Variants in GRID1 observed in about 807,000 individuals in gnomAD.
The protein encoded by GRID1 is glutamate receptor ionotropic, delta-1.
A neutral mutation model predicts 98.0 loss-of-function variants in GRID1; 28 were observed. The ratio of observed to expected loss-of-function variants is 0.29; its 90% CI spans 0.21 to 0.39. The LOEUF is 0.39. Among genes scored for constraint, GRID1 ranks in the 10% least tolerant of loss-of-function variants. The pLI is 1.00. For missense variants in GRID1, 1,111 were observed against 1,340.5 expected (o/e 0.83, Z 2.67); for synonymous variants, 553 against 538.5 (o/e 1.03, Z -0.37).
chr10:85,672,599 C>T (rs951093460), intron 12 of GRID1, among the ~76,000 whole-genome samples: 7 of 152,070 alleles, frequency 4.6e-5, no homozygotes, highest in Non-Finnish European at 5.9e-5. Flanking sequence ...AGCCCCCACG[C>T]CCGGCCTCTG....
chr10:86,322,335 G>A (rs1847981818), intron 2 of GRID1, among the ~76,000 whole-genome samples: 1 of 152,174 alleles, frequency 6.6e-6, no homozygotes, highest in Admixed American at 6.5e-5. Context: ...AAAAGAAAAT[G>A]CAGAAACACA....
chr10:85,730,070 G>A (rs1841805937), intron 8 of GRID1, among the ~76,000 whole-genome samples: 1 of 152,238 alleles, frequency 6.6e-6, no homozygotes, highest in South Asian at 2.1e-4. Context: ...ACACTCAAGT[G>A]TACAGCTTGT....
At chr10:86,190,202 C>A (rs1204323296) in intron 3 of GRID1, among the ~76,000 whole-genome samples, 1 of 152,212 alleles carries the variant, frequency 6.6e-6, no homozygotes, top group African/African-American at 2.4e-5. Context: ...GTGATCCTAA[C>A]CGGCCCTCCA....
chr10:86,018,406 G>A (rs1024905909), intron 4 of GRID1, among the ~76,000 whole-genome samples: 1 of 152,260 alleles, frequency 6.6e-6, no homozygotes, highest in African/African-American at 2.4e-5. Flanking sequence ...GATAAGACAG[G>A]CTTATGTAGC....
chr10:85,773,429 C>T (rs373045774), intron 8 of GRID1, among the ~76,000 whole-genome samples: 109 of 151,574 alleles, frequency 7.2e-4, no homozygotes, highest in African/African-American at 2.2e-3. Context: ...AGGGATGCCC[C>T]CTCTCACCAC....
At chr10:85,873,854 C>T (rs1843302525) in intron 5 of GRID1, among the ~76,000 whole-genome samples, 1 of 152,192 alleles carries the variant, frequency 6.6e-6, no homozygotes, top group African/African-American at 2.4e-5. Context: ...TCTCTGGGTA[C>T]CCCATTAGCT....
chr10:85,641,860 C>T (rs955923709), intron 13 of GRID1, among the ~76,000 whole-genome samples: 8 of 152,110 alleles, frequency 5.3e-5, no homozygotes, highest in East Asian at 3.9e-4. Flanking sequence ...GGGCAGAGCC[C>T]GGATGCTATT....
rs1367262556 is a variant in GRID1, at chr10:85,916,819, T to C, written c.727-580A>G. ...ATTAGTGTTTTGTTCTGTTTCTTTA[T>C]GGCACTTGCCATCTTTGTGCTTGAA... On this transcript the variant is annotated intron_variant, in intron 4 of 15. Transcript: ENST00000327946. The surrounding 1 kb of genome is among the most constrained non-coding windows in gnomAD (Gnocchi z 4.0). Among the ~76,000 whole-genome samples the C allele has an allele frequency of 3.3e-5, 5 of 152,244 alleles. No homozygotes were observed. The highest frequency in any genetic ancestry group is 3.9e-4 in the East Asian group (2 of 5,192).
intron 2 of GRID1, among the ~76,000 whole-genome samples, chr10:86,332,294 A>G (rs571501822): frequency 6.6e-6 from 1 of 152,292 alleles, no homozygotes. Context: ...GGGCAAGAAC[A>G]GCCCCTGGAG....
At chr10:86,153,053 A>T (rs1845192015) in intron 3 of GRID1, among the ~76,000 whole-genome samples, 1 of 152,154 alleles carries the variant, frequency 6.6e-6, no homozygotes, top group Non-Finnish European at 1.5e-5. Context: ...ACCACCCCTC[A>T]TTGTGGGCCT....
intron 2 of GRID1, among the ~76,000 whole-genome samples, chr10:86,302,852 A>T (rs578240609): frequency 4.7e-4 from 72 of 152,330 alleles, no homozygotes; most frequent in African/African-American, 1.7e-3. Context: ...AGCTTGTTAG[A>T]AATGCAGAAT....
chr10:85,852,610 G>A (rs1333850295), intron 8 of GRID1, among the ~76,000 whole-genome samples: 2 of 152,212 alleles, frequency 1.3e-5, no homozygotes, highest in East Asian at 3.9e-4. Context: ...AGTGCGCCAG[G>A]ACCGTGGTCG....
intron 3 of GRID1, among the ~76,000 whole-genome samples, chr10:86,160,513 G>A (rs192679444): frequency 8.3e-4 from 126 of 152,328 alleles, no homozygotes; most frequent in Non-Finnish European, 2.9e-5. Flanking sequence ...GAAGAAGGAG[G>A]CATGGTCAAC....
At chr10:85,903,779 A>C (rs28544430) in intron 5 of GRID1, among the ~76,000 whole-genome samples, 55,243 of 152,030 alleles carry the variant, frequency 0.36, 10,990 homozygotes, top group African/African-American at 0.52. Context: ...AAGCCTAGCC[A>C]CAGACTCCCA....
intron 4 of GRID1, among the ~76,000 whole-genome samples, chr10:86,011,584 G>A (rs1347052788): frequency 2.0e-5 from 3 of 152,136 alleles, no homozygotes; most frequent in African/African-American, 4.8e-5. Flanking sequence ...TCTGAGGCTC[G>A]ATGTATGAAC....
intron 2 of GRID1, among the ~76,000 whole-genome samples, chr10:86,249,117 C>G (rs1846780096): frequency 2.6e-5 from 4 of 152,192 alleles, no homozygotes; most frequent in Admixed American, 2.6e-4. Context: ...CTCCTGTTCC[C>G]AAATACCTTC....
intron 12 of GRID1, among the ~76,000 whole-genome samples, chr10:85,707,075 C>T: frequency 6.6e-6 from 1 of 152,150 alleles, no homozygotes; most frequent in Non-Finnish European, 1.5e-5. Flanking sequence ...GTCTAAAACA[C>T]CAAAAGCAAT....
intron 2 of GRID1, among the ~76,000 whole-genome samples, chr10:86,326,902 G>A (rs147743434): frequency 0.026 from 3,980 of 152,320 alleles, 60 homozygotes; most frequent in Middle Eastern, 0.054. Context: ...TCAGGAGGCC[G>A]AGGCGGGTGG....
intron 4 of GRID1, among the ~76,000 whole-genome samples, chr10:85,966,711 G>C (rs766034397): frequency 6.6e-6 from 1 of 152,002 alleles, no homozygotes; most frequent in African/African-American, 2.4e-5. Flanking sequence ...CTACTCAGGA[G>C]GCTGAGGCAG....
Sources: allele counts gnomAD v4.1 joint callset (sites outside exome capture counted in the v4.1 genomes callset), GRCh38; gene constraint gnomAD v4.1.1; non-coding constraint Gnocchi (gnomAD v3.1); transcripts MANE v1.5; gene names NCBI Gene and HGNC (gene_info 2026-07-23, HGNC 2026-07-21).